The following PIH1D2 variants were observed in gnomAD, a reference collection of about 807,000 sequenced individuals.
PIH1D2 encodes PIH1 domain-containing protein 2.
A neutral mutation model predicts 31.2 loss-of-function variants in PIH1D2; 25 were observed. That is an observed-to-expected ratio of 0.80 (90% confidence interval 0.58 to 1.12). PIH1D2 has a LOEUF of 1.12. Ranked by LOEUF, PIH1D2 falls within the 50% of genes most tolerant of loss-of-function variation. The pLI is 0.00. For synonymous variants in PIH1D2, 116 were observed against 119.9 expected, an observed-to-expected ratio of 0.97 and a Z score of 0.21; for missense variants, 310 against 356.6, an observed-to-expected ratio of 0.87 and a Z score of 1.05.
chr11:112,061,149 C>T (rs1473400016), downstream of PIH1D2: 3 of 1,613,986 alleles, frequency 1.9e-6, no homozygotes, highest in African/African-American at 4.0e-5. Flanking sequence ...AGAGGATAAA[C>T]TGGTCCCTGC....
chr11:112,070,294 C>G (rs1865067625), intron 5 of PIH1D2, 142 bp downstream of exon 5: 2 of 983,238 alleles, frequency 2.0e-6, no homozygotes, highest in Non-Finnish European at 3.0e-6. Flanking sequence ...AATGGCACAT[C>G]TCAGAAGGGA....
the PIH1D2 span, among the ~76,000 whole-genome samples, chr11:112,055,308 A>G: frequency 7.0e-6 from 1 of 142,164 alleles, no homozygotes; most frequent in African/African-American, 2.7e-5. Flanking sequence ...CAGTGGCGCA[A>G]TCTCGGCTCA....
chr11:112,072,900 CAAAAA>C, intron 2 of PIH1D2, 93 bp downstream of exon 2: 1 of 1,019,566 alleles, frequency 9.8e-7, no homozygotes, highest in Non-Finnish European at 1.3e-6. Flanking sequence ...AAAAAAAAAA[CAAAAA>C]AAATTAGCAA....
At chr11:112,054,089 G>A in the PIH1D2 span, among the ~76,000 whole-genome samples, 4 of 151,604 alleles carry the variant, frequency 2.6e-5, no homozygotes, top group East Asian at 1.9e-4. Flanking sequence ...CAGGTGGATC[G>A]CCTGAGGTCA....
At chr11:112,064,194 T>G, downstream of PIH1D2, 1 of 1,571,930 alleles carries the variant, frequency 6.4e-7, no homozygotes, top group Non-Finnish European at 8.6e-7. Flanking sequence ...AATTCATCTT[T>G]CGCTAATGCT....
At chr11:112,070,337 A>G (rs1865068894) in intron 5 of PIH1D2, 99 bp downstream of exon 5, 1 of 1,412,866 alleles carries the variant, frequency 7.1e-7, no homozygotes, top group Admixed American at 2.0e-5. Context: ...TGAGCAAATC[A>G]TTGTAAGCCC....
At chr11:112,053,662 C>T in the PIH1D2 span, among the ~76,000 whole-genome samples, 1 of 152,072 alleles carries the variant, frequency 6.6e-6, no homozygotes, top group Admixed American at 6.6e-5. Flanking sequence ...ACCATATTGG[C>T]CAGACTGGTC....
At chr11:112,062,658 C>A, downstream of PIH1D2, 1 of 1,176,188 alleles carries the variant, frequency 8.5e-7, no homozygotes, top group Non-Finnish European at 1.2e-6. Flanking sequence ...TGAGTCTGTC[C>A]AGATAAGTTA....
At chr11:112,058,622 G>GA (rs1340087336), downstream of PIH1D2, among the ~76,000 whole-genome samples, 1 of 128,424 alleles carries the variant, frequency 7.8e-6, no homozygotes, top group East Asian at 2.8e-4. Context: ...GGGAAGGGGG[G>GA]GGTGGGGGGG....
the PIH1D2 span, among the ~76,000 whole-genome samples, chr11:112,054,538 C>T: frequency 3.9e-5 from 6 of 152,184 alleles, no homozygotes; most frequent in South Asian, 1.0e-3. Context: ...ACTCCACAAG[C>T]GAGGAGAGGA....
Position 112,071,113 on chromosome 11 carries a change from T to G in PIH1D2, c.472A>C (p.Ser158Arg), listed in dbSNP as rs782349218. ...AGATTTTGTTTCATTCTTTGAATGC[T>G]TCCTTTTATTCTAAATTTGGTAATA... ...YHITKFRIKG[S>R]IQRMKQNLMG... Residue 158 changes from serine (S) to arginine (R), a missense_variant, in exon 4 of 6, where the codon AGC (serine) becomes CGC (arginine). Physicochemically the swap from Ser to Arg is moderately radical, Grantham distance 110. Transcript: ENST00000280350. 2.4e-5 allele frequency: 39 copies of G among 1,613,708 alleles called. No homozygotes were observed. The highest frequency in any genetic ancestry group is 3.1e-5 in the Non-Finnish European group (37 of 1,179,802).
At chr11:112,053,297 G>A in the PIH1D2 span, among the ~76,000 whole-genome samples, 1 of 152,038 alleles carries the variant, frequency 6.6e-6, no homozygotes, top group African/African-American at 2.4e-5. Flanking sequence ...AGTCCAGCCT[G>A]GGTGATAAGA....
chr11:112,071,692 T>C lies in PIH1D2; in HGVS notation c.244A>G (p.Thr82Ala), dbSNP rs587695146. 8.1e-6 allele frequency: 13 copies of C among 1,613,530 alleles called. No individual in the cohort carries two copies. In the South Asian group the frequency reaches 1.2e-4, roughly 15 times the overall value. The change falls in exon 3 of 6, where the codon ACC (threonine) becomes GCC (alanine). Residue 82 changes from threonine (T) to alanine (A), a missense_variant. Transcript: ENST00000280350. ...ACAGTTAGAGGTACTGGATGAGTGGTTGATTGGGGAGCTGGGATCCTTGTC... is the reference window on the plus strand; with the variant it reads ...ACAGTTAGAGGTACTGGATGAGTGGCTGATTGGGGAGCTGGGATCCTTGTC... ...QWTRIPAPQS[T>A]THPVPLTVGK...
At chr11:112,067,679 AAAAAAAAT>A (rs1864967417), downstream of PIH1D2, 2 of 48,234 alleles carry the variant, frequency 4.1e-5, no homozygotes, top group South Asian at 7.0e-4. Flanking sequence ...AAAAAAAAAA[AAAAAAAAT>A]ATATATATAT....
chr11:112,064,234 T>A (rs929422996), downstream of PIH1D2: 25 of 1,550,204 alleles, frequency 1.6e-5, no homozygotes, highest in Admixed American at 4.1e-5. Flanking sequence ...TGAAAAAAAA[T>A]AAAAACAGTT....
chr11:112,060,157 AAT>A, downstream of PIH1D2: 2 of 952,608 alleles, frequency 2.1e-6, no homozygotes, highest in East Asian at 3.0e-5. Context: ...TCTGTCACGT[AAT>A]TTTTTTTTTT....
In PIH1D2 at chr11:112,072,889, C is replaced by CAA. The variant is rs1164293992; in HGVS notation, c.177+107_177+108dup. 2.1e-4 allele frequency: 190 copies of CAA among 884,786 alleles called. 1 individual carries two copies. In the African/African-American group the frequency reaches 2.6e-3, roughly 12 times the overall value. The allele number at this position is 884,786 out of a possible 1,614,324, so 54.8% of individuals were successfully genotyped here. A position where few individuals can be genotyped will look rare whatever the true frequency, so the allele number is the denominator to read the frequency against. On this transcript the variant is annotated intron_variant, in intron 2 of 5. Coordinates refer to ENST00000280350, the MANE Select transcript of PIH1D2 (RefSeq NM_138789.4). ...AAAAACAAAACAAAACAAAACAAAA[C>CAA]AAAAAAAAAACAAAAAAAATTAGCA... is the stretch of plus-strand genomic sequence containing the variant.
In PIH1D2 at chr11:112,071,634, C is replaced by T; in HGVS notation, c.301+1G>A. On this transcript the variant is annotated splice_donor_variant, in intron 3 of 5. Transcript: ENST00000280350. LOFTEE classifies it high-confidence loss of function. ...ATGTGCTTTCTCTCAATTATTTGTA[C>T]CTGATATCTCAGTTGTATCTTCTGG... is the stretch of plus-strand genomic sequence containing the variant. The T allele has an allele frequency of 6.2e-7, 1 of 1,612,990 alleles. No homozygotes were observed.
downstream of PIH1D2, among the ~76,000 whole-genome samples, chr11:112,065,066 T>G (rs1864871487): frequency 6.6e-6 from 1 of 152,030 alleles, no homozygotes; most frequent in Admixed American, 6.6e-5. Flanking sequence ...GGTCTCTATC[T>G]CCTGACCTTG....
Sources: gnomAD v4.1 joint callset for allele counts (sites outside exome capture counted in the v4.1 genomes callset) on GRCh38, gnomAD v4.1.1 for gene constraint, MANE v1.5 for transcripts, NCBI Gene and HGNC (gene_info 2026-07-23, HGNC 2026-07-21) for gene names.